SGIP1: variants seen among roughly 807,000 people sequenced by gnomAD.
The protein encoded by SGIP1 is SH3GL interacting endocytic adaptor 1.
SGIP1 carries 38 observed loss-of-function variants against 107.5 expected under a neutral mutation model. That is an observed-to-expected ratio of 0.35 (90% CI 0.27 to 0.46). SGIP1 has a LOEUF of 0.46. SGIP1 is among the 20% of genes least tolerant of loss of function. The probability of loss-of-function intolerance (pLI) is 1.00; values close to 1 mark genes in which losing one functional copy is unlikely to be tolerated. For missense variants in SGIP1, 929 were observed against 1,019.5 expected (o/e 0.91, Z 1.21); for synonymous variants, 365 against 366.1 (o/e 1.00, Z 0.03).
intron 1 of SGIP1, among the ~76,000 whole-genome samples, chr1:66,589,493 G>A (rs1443750016): frequency 6.6e-6 from 1 of 151,876 alleles, no homozygotes; most frequent in Non-Finnish European, 1.5e-5. Flanking sequence ...GGCTTTTCTG[G>A]GCCATAAATT....
At chr1:66,667,043 A>G (rs1432667002) in intron 8 of SGIP1, 1 of 153,190 alleles carries the variant, frequency 6.5e-6, no homozygotes, top group Non-Finnish European at 1.5e-5. Flanking sequence ...CAGACAAGGA[A>G]AAGGGGTCTC....
At chr1:66,672,884 A>T (rs908608504) in intron 11 of SGIP1, among the ~76,000 whole-genome samples, 1 of 152,076 alleles carries the variant, frequency 6.6e-6, no homozygotes, top group African/African-American at 2.4e-5. Flanking sequence ...TACAACAAAG[A>T]GATGTGGTGA....
chr1:66,721,583 A>AT (rs1479006264), intron 19 of SGIP1, among the ~76,000 whole-genome samples: 4 of 151,556 alleles, frequency 2.6e-5, no homozygotes, highest in South Asian at 2.1e-4. Flanking sequence ...TAATTTTTGT[A>AT]TTTTTTTTAG....
At chr1:66,547,700 G>T (rs1420253169) in intron 1 of SGIP1, among the ~76,000 whole-genome samples, 2 of 152,190 alleles carry the variant, frequency 1.3e-5, no homozygotes, top group East Asian at 3.8e-4. Context: ...TGCTGTCATG[G>T]AGCCTGAGTT....
intron 7 of SGIP1, among the ~76,000 whole-genome samples, chr1:66,659,074 C>T (rs2080363805): frequency 1.3e-5 from 2 of 152,116 alleles, no homozygotes; most frequent in Non-Finnish European, 2.9e-5. Flanking sequence ...AGTTGGAGCC[C>T]ATCACCAAAG....
intron 18 of SGIP1, among the ~76,000 whole-genome samples, chr1:66,715,882 C>T (rs978513539): frequency 1.1e-4 from 17 of 152,142 alleles, no homozygotes; most frequent in African/African-American, 3.9e-4. Context: ...AGTTCAGTAC[C>T]TCAAAAATAT....
At chr1:66,674,290 T>A (rs1465212561) in intron 12 of SGIP1, among the ~76,000 whole-genome samples, 2 of 152,240 alleles carry the variant, frequency 1.3e-5, no homozygotes, top group African/African-American at 4.8e-5. Context: ...AAATTAACCA[T>A]GTTTTTGGAT....
Position 66,535,661 on chromosome 1 carries a change from G to C in SGIP1, c.10+1293G>C, listed in dbSNP as rs1320361410. ...TTGGGTATGATTTTGTTATGGAGCT[G>C]AGTCTTGTTTGCAAAAGGCTCTCAA... On this transcript the variant is annotated intron_variant, in intron 1 of 24. Coordinates refer to ENST00000371037, the MANE Select transcript of SGIP1 (RefSeq NM_032291.4). 3.9e-5 allele frequency among the ~76,000 whole-genome samples: 6 copies of C among 152,158 alleles called. 1 individual carries two copies. The highest frequency in any genetic ancestry group is 8.8e-5 in the Non-Finnish European group (6 of 68,022).
chr1:66,539,061 A>T (rs919827143), intron 1 of SGIP1, among the ~76,000 whole-genome samples: 1 of 152,190 alleles, frequency 6.6e-6, no homozygotes, highest in African/African-American at 2.4e-5. Flanking sequence ...CTTTTAAATT[A>T]TGAGTAAAGT....
intron 1 of SGIP1, among the ~76,000 whole-genome samples, chr1:66,576,116 G>A (rs2061026463): frequency 6.6e-6 from 1 of 152,228 alleles, no homozygotes; most frequent in African/African-American, 2.4e-5. Flanking sequence ...TGGGACTTGG[G>A]ATGGGTCCTT....
At chr1:66,740,796 C>A in intron 23 of SGIP1, 74 bp downstream of exon 23, 1 of 920,600 alleles carries the variant, frequency 1.1e-6, no homozygotes, top group Non-Finnish European at 1.7e-6. Flanking sequence ...AACTATTACC[C>A]AAAACATGTA....
At chr1:66,734,214 T>C (rs2094135492) in intron 21 of SGIP1, among the ~76,000 whole-genome samples, 1 of 152,154 alleles carries the variant, frequency 6.6e-6, no homozygotes, top group Non-Finnish European at 1.5e-5. Context: ...TTAAGAACAT[T>C]ACTATACTAA....
chr1:66,587,522 T>C (rs551719256), intron 1 of SGIP1, among the ~76,000 whole-genome samples: 1 of 152,262 alleles, frequency 6.6e-6, no homozygotes, highest in South Asian at 2.1e-4. Context: ...TCTAATCCAA[T>C]CCCTGCAGTG....
intron 18 of SGIP1, among the ~76,000 whole-genome samples, chr1:66,713,863 C>T (rs17129376): frequency 0.012 from 1,863 of 152,124 alleles, 39 homozygotes; most frequent in African/African-American, 0.043. Flanking sequence ...ATATAATAGC[C>T]ACCTATGTGA....
At chr1:66,588,103 C>T (rs2062922622) in intron 1 of SGIP1, among the ~76,000 whole-genome samples, 1 of 152,080 alleles carries the variant, frequency 6.6e-6, no homozygotes, top group Admixed American at 6.5e-5. Context: ...TGGAAGTATG[C>T]TCTGTTTGTT....
intron 7 of SGIP1, among the ~76,000 whole-genome samples, chr1:66,656,119 C>T (rs191665191): frequency 1.7e-3 from 259 of 152,140 alleles, no homozygotes; most frequent in Admixed American, 6.4e-3. Flanking sequence ...TTTCTTTTCA[C>T]TTTTTAAACT....
chr1:66,580,650 C>G (rs2061687295), intron 1 of SGIP1, among the ~76,000 whole-genome samples: 1 of 152,018 alleles, frequency 6.6e-6, no homozygotes, highest in Admixed American at 6.6e-5. Flanking sequence ...TCCAATATAG[C>G]AATTTATTGT....
At chr1:66,615,213 C>A (rs1188377280) in intron 1 of SGIP1, among the ~76,000 whole-genome samples, 1 of 152,144 alleles carries the variant, frequency 6.6e-6, no homozygotes, top group Non-Finnish European at 1.5e-5. Context: ...TGGCTCACTG[C>A]AACCTCTGTC....
At chr1:66,704,590 T>C (rs766888708) in intron 18 of SGIP1, 6 of 152,212 alleles carry the variant, frequency 3.9e-5, no homozygotes, top group Non-Finnish European at 7.3e-5. Context: ...GGGAAACTGC[T>C]TCATCTTTGG....
Sources: allele counts gnomAD v4.1 joint callset (sites outside exome capture counted in the v4.1 genomes callset), GRCh38; gene constraint gnomAD v4.1.1; transcripts MANE v1.5; gene names NCBI Gene and HGNC (gene_info 2026-07-23, HGNC 2026-07-21).